AQR: variants seen among roughly 807,000 people sequenced by gnomAD.
The protein encoded by AQR is RNA helicase aquarius.
A neutral mutation model predicts 180.5 loss-of-function variants in AQR; 61 were observed. That is an observed-to-expected ratio of 0.34 (90% CI 0.28 to 0.42). The LOEUF (loss-of-function observed/expected upper bound fraction) is 0.42. Ranked by LOEUF, AQR falls within the 10% of genes least tolerant of loss-of-function variation. AQR has a pLI of 1.00. For missense variants in AQR, 1,281 were observed against 1,798.3 expected, an observed-to-expected ratio of 0.71 and a Z score of 5.20; for synonymous variants, 551 against 588.8, an observed-to-expected ratio of 0.94 and a Z score of 0.93.
At chr15:34,895,103 A>G (rs937566837) in intron 22 of AQR, among the ~76,000 whole-genome samples, 1 of 137,710 alleles carries the variant, frequency 7.3e-6, no homozygotes, top group South Asian at 2.6e-4. Context: ...CAGAGGTTGC[A>G]GTGAGCTAAG....
intron 27 of AQR, among the ~76,000 whole-genome samples, chr15:34,880,132 C>T (rs529969177): frequency 3.3e-5 from 5 of 152,084 alleles, no homozygotes; most frequent in African/African-American, 9.7e-5. Context: ...ACAGAGAAAA[C>T]GGAACAATTC....
chr15:34,899,531 A>G (rs1431759119), intron 20 of AQR, among the ~76,000 whole-genome samples: 2 of 149,334 alleles, frequency 1.3e-5, no homozygotes, highest in Non-Finnish European at 3.0e-5. Flanking sequence ...GGCACACACC[A>G]ATCTTGCTAA....
intron 26 of AQR, 119 bp downstream of exon 26, chr15:34,884,405 CA>C (rs201002431): frequency 1.5e-4 from 136 of 884,184 alleles, no homozygotes; most frequent in Admixed American, 3.0e-4. Flanking sequence ...GACTCCGTCT[CA>C]AAAAAAAACA....
chr15:34,969,461 G>A lies in AQR; in HGVS notation c.75+78C>T, dbSNP rs1566794592. 7 of 1,504,016 alleles carry A rather than the reference G, an allele frequency of 4.7e-6. No individual in the cohort carries two copies. The South Asian group carries it at 5.8e-5, about 12-fold the overall frequency. The allele number at this position is 1,504,016 out of a possible 1,614,324, so 93.2% of individuals were successfully genotyped here. On this transcript the variant is annotated intron_variant, in intron 1 of 34. Transcript: ENST00000156471. ...TGCCTCCTCCGGACTCCTAAATCCT[G>A]AAAAAAAACCCCACCACCAGGCCTC...
At chr15:34,880,270 T>A (rs1246889206) in intron 27 of AQR, among the ~76,000 whole-genome samples, 5 of 152,180 alleles carry the variant, frequency 3.3e-5, no homozygotes, top group African/African-American at 1.2e-4. Context: ...CTCCTATGCA[T>A]CCTTTCACAT....
In AQR at chr15:34,854,575, C is replaced by T. The variant is rs568729068; in HGVS notation, c.*2217G>A. On this transcript the variant is annotated 3_prime_UTR_variant, in exon 35 of 35. Coordinates refer to ENST00000156471, the MANE Select transcript of AQR (RefSeq NM_014691.3). ...TCCTTCAAAAATTCCCAAGATTCTA[C>T]AGTCAACTGCCACTCACTTGCCTTT... is the stretch of plus-strand genomic sequence containing the variant. The T allele has an allele frequency of 6.6e-6, 1 of 152,312 alleles. No homozygotes were observed. The highest frequency in any genetic ancestry group is 2.1e-4 in the South Asian group (1 of 4,824). The allele number at this position is 152,312 out of a possible 1,614,324, so 9.4% of individuals were successfully genotyped here.
At chr15:34,915,239 C>G in intron 15 of AQR, 60 bp from the exon 16 acceptor site, 2 of 1,417,866 alleles carry the variant, frequency 1.4e-6, no homozygotes, top group Non-Finnish European at 1.9e-6. Context: ...CGGAGTCTCA[C>G]TCTGTCACCT....
chr15:34,891,560 T>A (rs1422200802), intron 23 of AQR, among the ~76,000 whole-genome samples: 1 of 152,210 alleles, frequency 6.6e-6, no homozygotes, highest in Admixed American at 6.5e-5. Context: ...TGTGTCTATT[T>A]TTGCAAATTA....
intron 20 of AQR, among the ~76,000 whole-genome samples, chr15:34,898,512 G>C (rs945503772): frequency 6.6e-6 from 1 of 152,186 alleles, no homozygotes; most frequent in African/African-American, 2.4e-5. Flanking sequence ...ATTCTAGTGA[G>C]GTGAGACAGG....
intron 1 of AQR, among the ~76,000 whole-genome samples, chr15:34,967,646 T>C (rs1308771220): frequency 1.3e-5 from 2 of 152,062 alleles, no homozygotes; most frequent in Non-Finnish European, 2.9e-5. Context: ...AGATGAAAGA[T>C]AGCATGGCAC....
At chr15:34,953,255 T>C (rs1894259795) in intron 3 of AQR, among the ~76,000 whole-genome samples, 1 of 152,232 alleles carries the variant, frequency 6.6e-6, no homozygotes, top group Non-Finnish European at 1.5e-5. Flanking sequence ...GGAGGAAATA[T>C]CAGATATTTG....
chr15:34,870,871 G>T lies in AQR; in HGVS notation c.3649C>A (p.Leu1217Ile), dbSNP rs749801453. 2 of 1,613,216 alleles carry T rather than the reference G, an allele frequency of 1.2e-6. No homozygotes were observed. The highest frequency in any genetic ancestry group is 2.2e-5 in the South Asian group (2 of 91,012). Residue 1217 changes from leucine to isoleucine, a missense_variant, in exon 31 of 35, where the codon CTT becomes ATT. Transcript: ENST00000156471. The part of the protein sequence containing the change: ...VVALFMYMCL[L>I]GYPADKISIL... ...CTGATTTTGTCAGCAGGGTAACCAAGTAAACACATGTACATAAAAAGTGCT... is the reference window on the plus strand; with the variant it reads ...CTGATTTTGTCAGCAGGGTAACCAATTAAACACATGTACATAAAAAGTGCT...
chr15:34,875,869 T>G, intron 28 of AQR, 66 bp downstream of exon 28: 1 of 1,297,196 alleles, frequency 7.7e-7, no homozygotes, highest in South Asian at 1.2e-5. Flanking sequence ...ACTGTACAAC[T>G]TTCTGATGCT....
intron 1 of AQR, 128 bp downstream of exon 1, chr15:34,969,411 G>A: frequency 1.1e-6 from 1 of 946,644 alleles, no homozygotes; most frequent in Non-Finnish European, 1.6e-6. Flanking sequence ...GTAAAAAGAC[G>A]TGTGTGAATC....
In AQR at chr15:34,934,632, G is replaced by C. The variant is rs749017833; in HGVS notation, c.722C>G (p.Pro241Arg). Residue 241 changes from proline (P) to arginine (R), a missense_variant, in exon 10 of 35, where the codon CCT becomes CGT. Transcript: ENST00000156471. ...SVLKSVPLSE[P>R]VTMDKVHYCE... ...GTAATGAACTTTGTCCATAGTGACA[G>C]GTTCTAGACATAAGAGAGAACGCAT... 2 of 1,578,654 alleles carry C rather than the reference G, an allele frequency of 1.3e-6. No individual in the cohort carries two copies. The highest frequency in any genetic ancestry group is 3.7e-5 in the Admixed American group (2 of 53,420).
At chr15:34,876,064 T>A in intron 27 of AQR, 58 bp from the exon 28 acceptor site, 2 of 1,269,620 alleles carry the variant, frequency 1.6e-6, no homozygotes, top group Non-Finnish European at 1.1e-6. Context: ...ACTACCATCA[T>A]AAACATAATC....
At chr15:34,929,307 G>A (rs534157203) in intron 12 of AQR, among the ~76,000 whole-genome samples, 37 of 152,152 alleles carry the variant, frequency 2.4e-4, no homozygotes, top group African/African-American at 8.7e-4. Flanking sequence ...TTTCTTCTAG[G>A]GTTTTTATGT....
At chr15:34,902,949 A>T (rs974517384) in intron 19 of AQR, among the ~76,000 whole-genome samples, 1 of 152,142 alleles carries the variant, frequency 6.6e-6, no homozygotes, top group Non-Finnish European at 1.5e-5. Flanking sequence ...GATACATAAC[A>T]AATGTATAAT....
intron 16 of AQR, among the ~76,000 whole-genome samples, chr15:34,913,770 G>A (rs1893535009): frequency 6.6e-6 from 1 of 152,176 alleles, no homozygotes; most frequent in Non-Finnish European, 1.5e-5. Context: ...GAAGTTTTCT[G>A]ATCAAGCACT....
Sources: gnomAD v4.1 joint callset for allele counts (sites outside exome capture counted in the v4.1 genomes callset) on GRCh38, gnomAD v4.1.1 for gene constraint, MANE v1.5 for transcripts, NCBI Gene and HGNC (gene_info 2026-07-23, HGNC 2026-07-21) for gene names.